The following SEMA5A variants were observed in gnomAD, a reference collection of about 807,000 sequenced individuals.
SEMA5A encodes semaphorin 5A, also known as semaphorin-5A.
SEMA5A carries 55 observed loss-of-function variants against 135.5 expected under a neutral mutation model. The observed-to-expected ratio is 0.41, with a 90% confidence interval of 0.33 to 0.51. The LOEUF (loss-of-function observed/expected upper bound fraction) is 0.51, where lower values mean the gene tolerates loss of function less well. SEMA5A is among the 20% of genes least tolerant of loss of function. The probability of loss-of-function intolerance (pLI) is 0.37; values close to 1 mark genes in which losing one functional copy is unlikely to be tolerated. For missense variants in SEMA5A, 1,290 were observed against 1,419.9 expected (o/e 0.91, Z 1.47); for synonymous variants, 580 against 546.5 (o/e 1.06, Z -0.85).
intron 15 of SEMA5A, among the ~76,000 whole-genome samples, chr5:9,116,762 G>A (rs1475845340): frequency 6.6e-6 from 1 of 152,106 alleles, no homozygotes; most frequent in Non-Finnish European, 1.5e-5. Context: ...ATTCTCCCAT[G>A]GAGATCATAG....
At chr5:9,100,960 G>GA (rs951633369) in intron 16 of SEMA5A, among the ~76,000 whole-genome samples, 11 of 151,446 alleles carry the variant, frequency 7.3e-5, no homozygotes, top group Non-Finnish European at 1.2e-4. Flanking sequence ...AGGAGAAAGT[G>GA]AAAAAAAAGG....
Position 9,202,025 on chromosome 5 carries a change from A to G in SEMA5A, c.862T>C (p.Tyr288His), listed in dbSNP as rs1486966426. The G allele has an allele frequency of 2.5e-6, 4 of 1,614,212 alleles. No individual in the cohort carries two copies. The highest frequency in any genetic ancestry group is 1.1e-5 in the South Asian group (1 of 91,082). The change falls in exon 9 of 23, where the codon TAC becomes CAC. Residue 288 changes from tyrosine (Y) to histidine (H), a missense_variant. Around this residue, in one of 3 missense-constraint regions of SEMA5A, gnomAD observed 1,029 missense variants for 1,086.6 expected, o/e 0.95. Transcript: ENST00000382496. ...CSRPGEVPFY[Y>H]NELQSTFFLP... is the part of the protein sequence containing the mutation. ...AAGAAAGTACTCTGCAATTCGTTGT[A>G]GTAAAAGGGGACTTCCCCAGGACGG...
chr5:9,496,215 TTG>T (rs1453937736), intron 1 of SEMA5A, among the ~76,000 whole-genome samples: 1 of 152,078 alleles, frequency 6.6e-6, no homozygotes, highest in African/African-American at 2.4e-5. Context: ...CGGCTAACTT[TTG>T]TGTTTTTAGT....
chr5:9,259,155 A>G (rs1374039537), intron 5 of SEMA5A, among the ~76,000 whole-genome samples: 9 of 152,082 alleles, frequency 5.9e-5, no homozygotes, highest in Admixed American at 5.9e-4. Context: ...TTTTAATCCC[A>G]TTCTAATTCT....
chr5:9,462,874 G>T (rs922214827), intron 1 of SEMA5A, among the ~76,000 whole-genome samples: 1 of 151,678 alleles, frequency 6.6e-6, no homozygotes, highest in Non-Finnish European at 1.5e-5. Context: ...TAACTAAGGA[G>T]TACTAGGCTT....
At chr5:9,512,119 T>C (rs1040195566) in intron 1 of SEMA5A, 2 of 151,586 alleles carry the variant, frequency 1.3e-5, no homozygotes, top group African/African-American at 4.9e-5. Flanking sequence ...GTCAAAATTG[T>C]GGCTTCTAGA....
intron 12 of SEMA5A, among the ~76,000 whole-genome samples, chr5:9,153,183 T>C (rs2150256573): frequency 6.6e-6 from 1 of 152,244 alleles, no homozygotes; most frequent in Non-Finnish European, 1.5e-5. Flanking sequence ...GTAGGGTAGA[T>C]GTCTGTGAGT....
intron 8 of SEMA5A, among the ~76,000 whole-genome samples, chr5:9,221,801 A>G (rs574069243): frequency 6.6e-6 from 1 of 152,332 alleles, no homozygotes; most frequent in South Asian, 2.1e-4. Context: ...AAAACCCTTT[A>G]GAACCTAACA....
chr5:9,374,221 T>A (rs1206740886), intron 3 of SEMA5A, among the ~76,000 whole-genome samples: 1 of 151,780 alleles, frequency 6.6e-6, no homozygotes, highest in East Asian at 1.9e-4. Context: ...TGAACTCCAC[T>A]AGACAGGAGG....
At chr5:9,495,944 A>G (rs1039415223) in intron 1 of SEMA5A, among the ~76,000 whole-genome samples, 3 of 152,132 alleles carry the variant, frequency 2.0e-5, no homozygotes, top group Non-Finnish European at 4.4e-5. Context: ...CCATCCACAC[A>G]CACTAGAATG....
intron 4 of SEMA5A, among the ~76,000 whole-genome samples, chr5:9,336,574 G>A (rs1579367730): frequency 6.6e-6 from 1 of 152,176 alleles, no homozygotes; most frequent in African/African-American, 2.4e-5. Flanking sequence ...CATACTCACC[G>A]CCTCCTCACA....
At chr5:9,309,985 G>C (rs147417612) in intron 5 of SEMA5A, among the ~76,000 whole-genome samples, 125 of 110,238 alleles carry the variant, frequency 1.1e-3, no homozygotes, top group African/African-American at 3.7e-3. Flanking sequence ...TGGGGATCAT[G>C]TAATTATTAC....
At chr5:9,513,692 C>T (rs1273048285) in intron 1 of SEMA5A, among the ~76,000 whole-genome samples, 1 of 152,192 alleles carries the variant, frequency 6.6e-6, no homozygotes, top group African/African-American at 2.4e-5. Context: ...ACTTCTGAAG[C>T]CTTTCCTAAC....
In SEMA5A at chr5:9,227,131, C is replaced by A. The variant is rs142483992; in HGVS notation, c.334-164G>T. On this transcript the variant is annotated intron_variant, in intron 6 of 22. Transcript: ENST00000382496. ...GTAAACCATTAAAACAACAAATAAA[C>A]CTTTCAGATATTGACCAAAAAATAA... Among the ~76,000 whole-genome samples the A allele has an allele frequency of 2.2e-3, 339 of 152,088 alleles. 2 individuals carry two copies. The highest frequency in any genetic ancestry group is 7.8e-3 in the African/African-American group (323 of 41,524).
intron 3 of SEMA5A, among the ~76,000 whole-genome samples, chr5:9,379,186 T>C (rs1484809004): frequency 1.3e-5 from 2 of 152,232 alleles, no homozygotes; most frequent in South Asian, 2.1e-4. Context: ...AAATACAATG[T>C]CTCATTCATC....
intron 1 of SEMA5A, among the ~76,000 whole-genome samples, chr5:9,449,491 C>G (rs1021987475): frequency 1.3e-5 from 2 of 151,852 alleles, no homozygotes; most frequent in Admixed American, 6.6e-5. Context: ...GATGAGATGA[C>G]CTGTGCAACA....
At chr5:9,217,213 G>T (rs1268686184) in intron 8 of SEMA5A, among the ~76,000 whole-genome samples, 4 of 152,202 alleles carry the variant, frequency 2.6e-5, no homozygotes, top group Non-Finnish European at 5.9e-5. Context: ...TATCTGAAGA[G>T]AATCTTATTT....
chr5:9,074,251 CAT>C (rs1737923343), intron 16 of SEMA5A, among the ~76,000 whole-genome samples: 1 of 152,144 alleles, frequency 6.6e-6, no homozygotes, highest in Admixed American at 6.5e-5. Context: ...ATGGAGAAAG[CAT>C]AGTCTCTTCT....
At chr5:9,477,431 G>A (rs927652769) in intron 1 of SEMA5A, among the ~76,000 whole-genome samples, 1 of 152,214 alleles carries the variant, frequency 6.6e-6, no homozygotes, top group African/African-American at 2.4e-5. Flanking sequence ...GAAGATGGGG[G>A]AAAGTTTGGA....
Sources: allele counts gnomAD v4.1 joint callset (sites outside exome capture counted in the v4.1 genomes callset), GRCh38; gene constraint gnomAD v4.1.1; regional missense constraint gnomAD v4.1.1; transcripts MANE v1.5; gene names NCBI Gene and HGNC (gene_info 2026-07-23, HGNC 2026-07-21).